PAPSS1: variants seen among roughly 807,000 people sequenced by gnomAD.
PAPSS1 encodes the protein 3'-phosphoadenosine 5'-phosphosulfate synthase 1, also known as bifunctional 3'-phosphoadenosine 5'-phosphosulfate synthase 1.
Under a neutral mutation model 72.0 loss-of-function variants are expected in PAPSS1, and 50 were observed. The observed-to-expected ratio is 0.69, with a 90% CI of 0.55 to 0.88. PAPSS1 has a LOEUF of 0.88. Among genes scored for constraint, PAPSS1 ranks in the 40% least tolerant of loss-of-function variants. The pLI is 0.00. For missense variants in PAPSS1, 657 were observed against 782.2 expected, an observed-to-expected ratio of 0.84 and a Z score of 1.91; for synonymous variants, 261 against 263.6, an observed-to-expected ratio of 0.99 and a Z score of 0.09.
intron 11 of PAPSS1, among the ~76,000 whole-genome samples, chr4:107,630,615 T>C (rs552287244): frequency 1.3e-5 from 2 of 152,310 alleles, no homozygotes; most frequent in South Asian, 4.1e-4. Context: ...AACGGATAAA[T>C]ACAATGTTCA....
intron 11 of PAPSS1, among the ~76,000 whole-genome samples, chr4:107,618,857 G>C (rs1028036737): frequency 1.3e-5 from 2 of 152,088 alleles, no homozygotes; most frequent in African/African-American, 4.8e-5. Context: ...AGGGGGTCCA[G>C]ATAGCTTTCC....
intron 2 of PAPSS1, among the ~76,000 whole-genome samples, chr4:107,694,945 C>T (rs2125934059): frequency 1.8e-5 from 1 of 55,728 alleles, no homozygotes; most frequent in East Asian, 6.4e-4. Context: ...AGAAGGCTAA[C>T]TGGAATAAAA....
chr4:107,660,847 T>C (rs539277542), intron 5 of PAPSS1, among the ~76,000 whole-genome samples: 29 of 152,292 alleles, frequency 1.9e-4, no homozygotes, highest in African/African-American at 6.5e-4. Flanking sequence ...TTGGCACTGA[T>C]GGAGGGCTTT....
intron 1 of PAPSS1, among the ~76,000 whole-genome samples, chr4:107,706,454 A>G (rs927886870): frequency 6.6e-6 from 1 of 151,890 alleles, no homozygotes; most frequent in Non-Finnish European, 1.5e-5. Context: ...TCAGCTCTAG[A>G]ATTTTTTATT....
Position 107,654,758 on chromosome 4 carries a change from G to C in PAPSS1, c.1038C>G (p.His346Gln). 1 of 1,613,840 alleles carries C rather than the reference G, an allele frequency of 6.2e-7. No homozygotes were observed. Among genetic ancestry groups the C allele is most frequent in the South Asian group, 1.1e-5 (1 of 91,058 alleles). ...AILRNPEFFE[H>Q]RKEERCARQW... ...GTCTGGCACAGCGCTCCTCTTTCCT[G>C]TGCTCAAAAAACTCTGGATTGCGAA... The change falls in exon 8 of 12, where the codon CAC becomes CAG. Residue 346 changes from histidine to glutamine, a missense_variant. Physicochemically the swap from His to Gln is conservative, Grantham distance 24 (BLOSUM62 0). This residue lies in a region of PAPSS1 where 190 missense variants were observed against 176.7 expected (regional missense o/e 1.07). Transcript: ENST00000265174.
chr4:107,621,030 T>C (rs1046102435), intron 11 of PAPSS1, among the ~76,000 whole-genome samples: 1 of 152,172 alleles, frequency 6.6e-6, no homozygotes, highest in African/African-American at 2.4e-5. Flanking sequence ...CAGATCTCAG[T>C]GGCATCTGAT....
At position 107,660,570 on chromosome 4, in the gene PAPSS1, T is replaced by C. The variant is rs148572092; in HGVS notation, c.670-498A>G. ...ACTGTGGTTTGAAAATCAGAACTTT[T>C]TGATCCCACACGAAATGCAGCCTGG... On this transcript the variant is annotated intron_variant, in intron 5 of 11. Coordinates refer to ENST00000265174, the MANE Select transcript of PAPSS1 (RefSeq NM_005443.5). 2.4e-3 allele frequency among the ~76,000 whole-genome samples: 359 copies of C among 152,302 alleles called. 1 individual carries two copies. Among genetic ancestry groups the C allele is most frequent in the African/African-American group, 8.2e-3 (343 of 41,576 alleles).
intron 2 of PAPSS1, among the ~76,000 whole-genome samples, chr4:107,697,645 T>C (rs1039574712): frequency 1.3e-5 from 2 of 152,210 alleles, no homozygotes; most frequent in African/African-American, 4.8e-5. Flanking sequence ...TTCATTTAGA[T>C]AATTATAGTC....
rs541984738 is a variant in PAPSS1 at position 107,634,406 on chromosome 4, C to T, written c.1507-2546G>A. On this transcript the variant is annotated intron_variant, in intron 10 of 11. Transcript: ENST00000265174. ...GGGCTAATGACAAGGCATCACGTACCACAGATAATGATTAATCCAATTCTG... is the reference window on the plus strand; with the variant it reads ...GGGCTAATGACAAGGCATCACGTACTACAGATAATGATTAATCCAATTCTG... Among the ~76,000 whole-genome samples the T allele has an allele frequency of 7.2e-5, 11 of 152,232 alleles. No homozygotes were observed. The East Asian group carries it at 2.1e-3, about 29-fold the overall frequency.
At chr4:107,672,817 G>A (rs973401495) in intron 5 of PAPSS1, among the ~76,000 whole-genome samples, 1 of 152,186 alleles carries the variant, frequency 6.6e-6, no homozygotes, top group South Asian at 2.1e-4. Flanking sequence ...CCCCCAGTAG[G>A]GGCAGACTGA....
chr4:107,700,098 T>C (rs966317867), intron 2 of PAPSS1, among the ~76,000 whole-genome samples: 5 of 152,174 alleles, frequency 3.3e-5, no homozygotes, highest in African/African-American at 1.2e-4. Context: ...AGAGTGTATC[T>C]TCTTTCATAC....
chr4:107,714,200 C>T (rs1023997732), intron 1 of PAPSS1, among the ~76,000 whole-genome samples: 6 of 152,206 alleles, frequency 3.9e-5, no homozygotes, highest in African/African-American at 9.7e-5. Context: ...CCTGTTAAAT[C>T]GTTTTAGTCA....
intron 2 of PAPSS1, among the ~76,000 whole-genome samples, chr4:107,697,483 G>A (rs1480124242): frequency 2.0e-5 from 3 of 152,136 alleles, no homozygotes; most frequent in Admixed American, 2.0e-4. Context: ...GGAAAAAAAA[G>A]TTTGAAACTC....
rs759412401 is a variant in PAPSS1 at position 107,693,776 on chromosome 4, T to C, written c.406A>G (p.Thr136Ala). ...ATGGCACAAAAACCACATACCTGAG[T>C]GTAAGGTGATATGAAACTTGTGATG... Reference protein sequence around the residue: ...VCITSFISPYTQDRNNARQIH... With the variant: ...VCITSFISPYAQDRNNARQIH... Residue 136 changes from threonine to alanine, a missense_variant, in exon 3 of 12, where the codon ACT becomes GCT. Thr to Ala is a moderately conservative substitution (Grantham distance 58). This residue lies in a region of PAPSS1 where 119 missense variants were observed against 171.1 expected (regional missense o/e 0.70). Coordinates refer to ENST00000265174, the MANE Select transcript of PAPSS1 (RefSeq NM_005443.5). 8.1e-6 allele frequency: 13 copies of C among 1,609,166 alleles called. No homozygotes were observed. The highest frequency in any genetic ancestry group is 9.4e-6 in the Non-Finnish European group (11 of 1,175,820).
intron 6 of PAPSS1, among the ~76,000 whole-genome samples, chr4:107,657,950 G>C (rs779805697): frequency 1.3e-5 from 2 of 152,018 alleles, no homozygotes; most frequent in Non-Finnish European, 2.9e-5. Flanking sequence ...CACAGCTTAT[G>C]GTCTCCAAAA....
At chr4:107,718,777 CT>C (rs1464892837) in intron 1 of PAPSS1, among the ~76,000 whole-genome samples, 1 of 152,192 alleles carries the variant, frequency 6.6e-6, no homozygotes, top group Admixed American at 6.5e-5. Context: ...GTAAGCCAAC[CT>C]TATTTCCCTA....
At chr4:107,663,087 A>C (rs1256281302) in intron 5 of PAPSS1, among the ~76,000 whole-genome samples, 2 of 152,228 alleles carry the variant, frequency 1.3e-5, no homozygotes, top group East Asian at 3.8e-4. Flanking sequence ...CAAGTTACAC[A>C]AAAAGTCAGG....
At position 107,654,784 on chromosome 4, in the gene PAPSS1, G is replaced by A; in HGVS notation, c.1012C>T (p.Leu338Phe). 1 of 1,614,008 alleles carries A rather than the reference G, an allele frequency of 6.2e-7. No individual in the cohort carries two copies. The highest frequency in any genetic ancestry group is 8.5e-7 in the Non-Finnish European group (1 of 1,179,936). ...TGCTCAAAAAACTCTGGATTGCGAA[G>A]AATGGCCACACGGCGGCCCTCATAC... ...LMYEGRRVAI[L>F]RNPEFFEHRK... The change falls in exon 8 of 12, where the codon CTT (leucine) becomes TTT (phenylalanine). Residue 338 changes from leucine to phenylalanine, a missense_variant. By Grantham distance (22) the Leu-to-Phe change is conservative. Around this residue, in one of 7 missense-constraint regions of PAPSS1, gnomAD observed 190 missense variants for 176.7 expected, o/e 1.07. Coordinates refer to ENST00000265174, the MANE Select transcript of PAPSS1 (RefSeq NM_005443.5).
Position 107,628,783 on chromosome 4 carries a change from C to A in PAPSS1, c.1736+2848G>T, listed in dbSNP as rs149535161. Reference sequence around the variant, plus strand: ...AATGCAAAGAGCTACACATTTTGGGCTAAGAGGGAATCACCCTGTCCACTG... The same window carrying A: ...AATGCAAAGAGCTACACATTTTGGGATAAGAGGGAATCACCCTGTCCACTG... On this transcript the variant is annotated intron_variant, in intron 11 of 11. Coordinates refer to ENST00000265174, the MANE Select transcript of PAPSS1 (RefSeq NM_005443.5). 2.7e-3 allele frequency among the ~76,000 whole-genome samples: 405 copies of A among 152,238 alleles called. 1 individual carries two copies. Among genetic ancestry groups the A allele is most frequent in the Non-Finnish European group, 2.7e-3 (187 of 68,008 alleles).
Sources: gnomAD v4.1 joint callset for allele counts (sites outside exome capture counted in the v4.1 genomes callset) on GRCh38, gnomAD v4.1.1 for gene constraint, gnomAD v4.1.1 regional missense constraint, MANE v1.5 for transcripts, NCBI Gene and HGNC (gene_info 2026-07-23, HGNC 2026-07-21) for gene names.